Variants in IRAG1 observed in about 807,000 individuals in gnomAD.
IRAG1 encodes the protein inositol 1,4,5-triphosphate receptor associated 1, also known as IP3R-associated cGMP kinase substrate.
A neutral mutation model predicts 106.2 loss-of-function variants in IRAG1; 62 were observed. The ratio of observed to expected loss-of-function variants is 0.58; its 90% CI spans 0.48 to 0.72. The LOEUF (loss-of-function observed/expected upper bound fraction) is 0.72. IRAG1 is among the 30% of genes least tolerant of loss of function. IRAG1 has a pLI of 0.00. For missense variants in IRAG1, 1,064 were observed against 1,140.7 expected (o/e 0.93, Z 0.97); for synonymous variants, 462 against 443.9 (o/e 1.04, Z -0.51).
chr11:10,687,857 A>C, intron 1 of IRAG1: 1 of 1,174,640 alleles, frequency 8.5e-7, no homozygotes, highest in Non-Finnish European at 1.1e-6. Flanking sequence ...GGGCTAAGGG[A>C]TTTAGCTTTG....
chr11:10,599,255 C>A (rs576806057), intron 15 of IRAG1, among the ~76,000 whole-genome samples: 45 of 152,254 alleles, frequency 3.0e-4, no homozygotes, highest in African/African-American at 8.4e-4. Context: ...GACTGTGTGC[C>A]CTTTACCTCT....
intron 2 of IRAG1, among the ~76,000 whole-genome samples, chr11:10,646,384 C>T (rs1310572176): frequency 6.6e-6 from 1 of 152,134 alleles, no homozygotes; most frequent in African/African-American, 2.4e-5. Context: ...AACATTAGCC[C>T]TCCCTCCATT....
At chr11:10,586,868 C>T (rs544305888) in intron 18 of IRAG1, among the ~76,000 whole-genome samples, 7 of 152,298 alleles carry the variant, frequency 4.6e-5, no homozygotes, top group African/African-American at 1.7e-4. Flanking sequence ...ACAGTAGGTG[C>T]CTTTAAGTGC....
chr11:10,626,074 C>A lies in IRAG1; in HGVS notation c.1260G>T (p.Lys420Asn). 1 of 1,536,916 alleles carries A rather than the reference C, an allele frequency of 6.5e-7. No individual in the cohort carries two copies. The highest frequency in any genetic ancestry group is 8.8e-7 in the Non-Finnish European group (1 of 1,142,136). ...LAKLPLAEEE[K>N]RFAGKAGGKL... is the part of the protein sequence containing the mutation. ...TGCCGCCGGCCTTGCCTGCAAAACG[C>A]TTTTCTTCCTCTGCCAGTGGCAGCT... The change falls in exon 9 of 21, where the codon AAG (lysine) becomes AAT (asparagine). Residue 420 changes from lysine (K) to asparagine (N), a missense_variant. Physicochemically the swap from Lys to Asn is moderately conservative, Grantham distance 94 (BLOSUM62 0). Transcript: ENST00000423302.
At chr11:10,640,375 CT>C (rs1857429962) in intron 2 of IRAG1, among the ~76,000 whole-genome samples, 1 of 152,222 alleles carries the variant, frequency 6.6e-6, no homozygotes, top group Non-Finnish European at 1.5e-5. Context: ...CCTCTAATCC[CT>C]TGATGGAACA....
intron 16 of IRAG1, 100 bp downstream of exon 16, chr11:10,594,046 C>G: frequency 8.8e-7 from 1 of 1,137,564 alleles, no homozygotes; most frequent in Middle Eastern, 2.0e-4. Context: ...CAGAGATTCT[C>G]TGGCATCCAT....
rs1386829415 is a variant in IRAG1 at position 10,576,434 on chromosome 11, T to C, written c.2637A>G (p.Ala879=). The part of the protein sequence containing the change: ...LGLYNSYNSC[A]EQADGPLGRS... ...TTCCAAGGGGCCCATCAGCCTGCTC[T>C]GCACAAGAGTTATAGGAATTGTAGA... The change falls in exon 21 of 21, where the codon GCA becomes GCG. Residue 879 remains alanine (A), a synonymous_variant. Coordinates refer to ENST00000423302, the MANE Select transcript of IRAG1 (RefSeq NM_130385.4). 6.2e-7 allele frequency: 1 copy of C among 1,614,016 alleles called. No individual in the cohort carries two copies. Among genetic ancestry groups the C allele is most frequent in the African/African-American group, 1.3e-5 (1 of 75,046 alleles).
chr11:10,636,367 G>A (rs886755668), intron 2 of IRAG1, among the ~76,000 whole-genome samples: 10 of 152,138 alleles, frequency 6.6e-5, no homozygotes, highest in Non-Finnish European at 1.5e-4. Context: ...TTTAGAGACA[G>A]GGTCTTACTA....
At chr11:10,624,581 G>A (rs1856087993) in intron 9 of IRAG1, among the ~76,000 whole-genome samples, 1 of 152,154 alleles carries the variant, frequency 6.6e-6, no homozygotes, top group Admixed American at 6.5e-5. Context: ...AGTCTGCTGT[G>A]TGGCAGAGGG....
intron 1 of IRAG1, among the ~76,000 whole-genome samples, chr11:10,653,383 G>A (rs1050694957): frequency 6.6e-6 from 1 of 152,154 alleles, no homozygotes; most frequent in African/African-American, 2.4e-5. Flanking sequence ...TTGGGTTTTT[G>A]TTCCTTGTAA....
In IRAG1 at chr11:10,575,936, A is replaced by G. The variant is rs1247993938; in HGVS notation, c.*396T>C. ...AGCAAATTCTTCCTGATAACCAATTACAGAGAGGAAAAAAGAGAGTAAGTT... is the reference window on the plus strand; with the variant it reads ...AGCAAATTCTTCCTGATAACCAATTGCAGAGAGGAAAAAAGAGAGTAAGTT... On this transcript the variant is annotated 3_prime_UTR_variant, in exon 21 of 21. Coordinates refer to ENST00000423302, the MANE Select transcript of IRAG1 (RefSeq NM_130385.4). 4.9e-6 allele frequency: 1 copy of G among 205,638 alleles called. No individual in the cohort carries two copies. Among genetic ancestry groups the G allele is most frequent in the East Asian group, 1.1e-4 (1 of 9,480 alleles). 12.7% of individuals were successfully genotyped at this position (205,638 alleles called of 1,614,324 possible). A position where few individuals can be genotyped will look rare whatever the true frequency, so the allele number is the denominator to read the frequency against.
intron 2 of IRAG1, among the ~76,000 whole-genome samples, chr11:10,641,477 C>T (rs1255831279): frequency 1.3e-5 from 2 of 152,200 alleles, no homozygotes; most frequent in Non-Finnish European, 2.9e-5. Flanking sequence ...GCCACCTTCA[C>T]CCGGCTCCAC....
intron 19 of IRAG1, among the ~76,000 whole-genome samples, chr11:10,581,663 G>A (rs1454309942): frequency 1.3e-5 from 2 of 152,004 alleles, no homozygotes; most frequent in African/African-American, 2.4e-5. Flanking sequence ...TCTTGTTATT[G>A]TCTAACCACA....
chr11:10,668,151 A>G (rs933259679), intron 1 of IRAG1, among the ~76,000 whole-genome samples: 2 of 152,164 alleles, frequency 1.3e-5, no homozygotes, highest in African/African-American at 4.8e-5. Flanking sequence ...GAGCCACCAC[A>G]TGATTCTCAC....
At position 10,576,264 on chromosome 11, in the gene IRAG1, G is replaced by A. The variant is rs956234650; in HGVS notation, c.*68C>T. 18 of 1,597,060 alleles carry A rather than the reference G, an allele frequency of 1.1e-5. No individual in the cohort carries two copies. The highest frequency in any genetic ancestry group is 3.3e-5 in the South Asian group (3 of 89,618). On this transcript the variant is annotated 3_prime_UTR_variant, in exon 21 of 21. Transcript: ENST00000423302. ...CAGTGTGTCCACACTTGGGCCTGAC[G>A]TTATACTTGGGGAAAGGGTGGTAGT...
intron 1 of IRAG1, among the ~76,000 whole-genome samples, chr11:10,689,875 G>A (rs1283969613): frequency 2.0e-5 from 3 of 152,150 alleles, no homozygotes; most frequent in Admixed American, 2.0e-4. Flanking sequence ...TGGTATTCTA[G>A]AGGGTTTTTT....
chr11:10,602,354 C>A (rs534536373), intron 14 of IRAG1, among the ~76,000 whole-genome samples: 2 of 152,166 alleles, frequency 1.3e-5, no homozygotes, highest in Admixed American at 6.5e-5. Context: ...CGGCAGCAAC[C>A]CTCTATGGCA....
intron 18 of IRAG1, 145 bp downstream of exon 18, chr11:10,591,403 G>T: frequency 1.3e-6 from 1 of 755,920 alleles, no homozygotes; most frequent in Non-Finnish European, 2.2e-6. Flanking sequence ...TGAAATCTTT[G>T]TGGGTTTCAG....
At chr11:10,674,181 T>C (rs1860467655) in intron 1 of IRAG1, among the ~76,000 whole-genome samples, 2 of 152,090 alleles carry the variant, frequency 1.3e-5, no homozygotes, top group African/African-American at 4.8e-5. Context: ...AGCAGGCAAT[T>C]TGCAAGCAAG....
Sources: gnomAD v4.1 joint callset for allele counts (sites outside exome capture counted in the v4.1 genomes callset) on GRCh38, gnomAD v4.1.1 for gene constraint, MANE v1.5 for transcripts, NCBI Gene and HGNC (gene_info 2026-07-23, HGNC 2026-07-21) for gene names.